Variants in PRXL2C observed in about 807,000 individuals in gnomAD.
The protein encoded by PRXL2C is peroxiredoxin like 2C.
Under a neutral mutation model 24.9 loss-of-function variants are expected in PRXL2C, and 38 were observed. The observed-to-expected ratio is 1.53, with a 90% CI of 1.18 to 2.00. The LOEUF is 2.00. Ranked by LOEUF, PRXL2C falls within the 30% of genes most tolerant of loss-of-function variation. The probability of loss-of-function intolerance (pLI) is 0.00; values close to 1 mark genes in which losing one functional copy is unlikely to be tolerated. For missense variants in PRXL2C, 294 were observed against 290.9 expected (o/e 1.01, Z -0.08); for synonymous variants, 98 against 117.2 (o/e 0.84, Z 1.06).
At chr9:96,653,098 C>T (rs1467972862) in intron 2 of PRXL2C, among the ~76,000 whole-genome samples, 4 of 151,848 alleles carry the variant, frequency 2.6e-5, no homozygotes, top group Non-Finnish European at 2.9e-5. Flanking sequence ...TGGTGGCGGG[C>T]GCCTGTTAGT....
At chr9:96,649,111 G>C (rs938244989) in intron 4 of PRXL2C, among the ~76,000 whole-genome samples, 5 of 151,944 alleles carry the variant, frequency 3.3e-5, no homozygotes, top group African/African-American at 4.8e-5. Context: ...TACACATGTT[G>C]AGACTCTGTT....
chr9:96,646,241 G>A (rs146229000), intron 4 of PRXL2C, among the ~76,000 whole-genome samples: 14 of 152,164 alleles, frequency 9.2e-5, no homozygotes, highest in East Asian at 1.9e-4. Context: ...CAGTGGCACC[G>A]TTTACCAAGT....
rs1235025346 is a variant in PRXL2C, at chr9:96,654,942, C to G, written c.192+148G>C. ...GAAGCGGGCCTCGCCCTCGCCCTCT[C>G]CCTGCCCCGCCCTAGTTGGGAAGCG... On this transcript the variant is annotated intron_variant, in intron 1 of 5. Transcript: ENST00000375234. The G allele has an allele frequency of 6.8e-5, 82 of 1,202,000 alleles. 1 individual carries two copies. The highest frequency in any genetic ancestry group is 8.8e-5 in the Non-Finnish European group (81 of 917,626). 74.5% of individuals were successfully genotyped at this position (1,202,000 alleles called of 1,614,324 possible).
Position 96,643,436 on chromosome 9 carries a change from TG to T in PRXL2C, c.554-1551del, listed in dbSNP as rs1407041962. Among the ~76,000 whole-genome samples the T allele has an allele frequency of 2.6e-5, 4 of 152,184 alleles. No individual in the cohort carries two copies. The East Asian group carries it at 7.7e-4, about 29-fold the overall frequency. ...TAATTTTTTATATTTTTAGTAGAGA[TG>T]GGGTTTCACCGTGTTAGTCAGGATT... On this transcript the variant is annotated intron_variant, in intron 5 of 5. Transcript: ENST00000375234.
chr9:96,645,073 A>AT lies in PRXL2C; in HGVS notation c.553+819dup, dbSNP rs1266760842. Among the ~76,000 whole-genome samples, 30 of 148,430 alleles carry AT rather than the reference A, an allele frequency of 2.0e-4. No individual in the cohort carries two copies. In the South Asian group the frequency reaches 2.6e-3, roughly 13 times the overall value. On this transcript the variant is annotated intron_variant, in intron 5 of 5. Transcript: ENST00000375234. ...AGGCACCCGCCACCACGTCCGGCTA[A>AT]TTTTTTTTTGTATTTTTAGTAGAGA...
intron 2 of PRXL2C, 128 bp from the exon 3 acceptor site, chr9:96,651,840 A>G (rs1382203848): frequency 7.4e-6 from 5 of 671,950 alleles, no homozygotes; most frequent in Admixed American, 6.2e-5. Context: ...TGGAATACAC[A>G]GCAAAATTGT....
At chr9:96,647,155 G>A (rs1390071262) in intron 4 of PRXL2C, among the ~76,000 whole-genome samples, 1 of 152,120 alleles carries the variant, frequency 6.6e-6, no homozygotes, top group African/African-American at 2.4e-5. Context: ...AGACATGGGG[G>A]CTTAGCTGTG....
At chr9:96,654,948 C>T (rs1848332001) in intron 1 of PRXL2C, 142 bp downstream of exon 1, 13 of 1,222,188 alleles carry the variant, frequency 1.1e-5, no homozygotes, top group Non-Finnish European at 1.1e-6. Context: ...CTCTCCCTGC[C>T]CCGCCCTAGT....
At chr9:96,643,295 T>C (rs540500348) in intron 5 of PRXL2C, among the ~76,000 whole-genome samples, 27 of 152,218 alleles carry the variant, frequency 1.8e-4, no homozygotes, top group Admixed American at 1.6e-3. Flanking sequence ...GCCCAGGCTG[T>C]AGTGCAGTGG....
At chr9:96,645,724 G>A (rs1848189253) in intron 5 of PRXL2C, among the ~76,000 whole-genome samples, 169 bp downstream of exon 5, 1 of 151,492 alleles carries the variant, frequency 6.6e-6, no homozygotes, top group Non-Finnish European at 1.5e-5. Flanking sequence ...GTGAACCCGG[G>A]AGGCAGAGCT....
intron 2 of PRXL2C, among the ~76,000 whole-genome samples, chr9:96,652,469 C>T (rs375235327): frequency 1.9e-4 from 29 of 149,222 alleles, no homozygotes; most frequent in African/African-American, 6.4e-4. Context: ...TGTAGTCAGC[C>T]GAGATTGTGC....
chr9:96,641,252 A>G lies in PRXL2C; in HGVS notation c.*507T>C, dbSNP rs1323020787. On this transcript the variant is annotated 3_prime_UTR_variant, in exon 6 of 6. Transcript: ENST00000375234. ...ATAACACTAATCTTAACACAGAGAT[A>G]CCTACTGGCAACATTTTGGTGTTTA... The G allele has an allele frequency of 2.0e-5, 3 of 152,254 alleles. No homozygotes were observed. The highest frequency in any genetic ancestry group is 6.5e-5 in the Admixed American group (1 of 15,274). The allele number at this position is 152,254 out of a possible 1,614,324, so 9.4% of individuals were successfully genotyped here. A position where few individuals can be genotyped will look rare whatever the true frequency, so the allele number is the denominator to read the frequency against.
intron 3 of PRXL2C, 52 bp downstream of exon 3, chr9:96,651,607 T>A (rs1848265972): frequency 6.4e-7 from 1 of 1,566,538 alleles, no homozygotes; most frequent in Non-Finnish European, 8.7e-7. Context: ...ATGTAATTTT[T>A]ATGTCTGAAA....
intron 1 of PRXL2C, 144 bp downstream of exon 1, chr9:96,654,946 G>T (rs1348268910): frequency 1.7e-6 from 2 of 1,208,624 alleles, no homozygotes; most frequent in Admixed American, 3.9e-5. Context: ...CCCTCTCCCT[G>T]CCCCGCCCTA....
At position 96,641,856 on chromosome 9, in the gene PRXL2C, C is replaced by A; in HGVS notation, c.584G>T (p.Arg195Met). 6.6e-7 allele frequency: 1 copy of A among 1,523,258 alleles called. No homozygotes were observed. The highest frequency in any genetic ancestry group is 1.3e-5 in the South Asian group (1 of 78,244). 94.4% of individuals were successfully genotyped at this position (1,523,258 alleles called of 1,614,324 possible). The change falls in exon 6 of 6, where the codon AGG (arginine) becomes ATG (methionine). Residue 195 changes from arginine to methionine, a missense_variant. Coordinates refer to ENST00000375234, the MANE Select transcript of PRXL2C (RefSeq NM_153698.2). ...GATAGGTTTGTGATCCAACCTATTC[C>A]TATCGCGGTGTATAAAATGGATGTT... Reference protein sequence around the residue: ...GNNIHFIHRDRNRLDHKPINS... With the variant: ...GNNIHFIHRDMNRLDHKPINS...
Position 96,641,739 on chromosome 9 carries a change from G to T in PRXL2C, c.*20C>A. The T allele has an allele frequency of 6.5e-7, 1 of 1,546,150 alleles. No individual in the cohort carries two copies. Among genetic ancestry groups the T allele is most frequent in the East Asian group, 2.3e-5 (1 of 43,260 alleles). ...CACATTCCAGAAGGTCCAGTTGAAA[G>T]TGACTGAGTGCATTTTAAGTCACAC... On this transcript the variant is annotated 3_prime_UTR_variant, in exon 6 of 6. Coordinates refer to ENST00000375234, the MANE Select transcript of PRXL2C (RefSeq NM_153698.2).
chr9:96,641,222 AAAT>A lies in PRXL2C; in HGVS notation c.*534_*536del, dbSNP rs1295457885. The A allele has an allele frequency of 6.6e-6, 1 of 152,244 alleles. No individual in the cohort carries two copies. The highest frequency in any genetic ancestry group is 2.4e-5 in the African/African-American group (1 of 41,462). The allele number at this position is 152,244 out of a possible 1,614,324, so 9.4% of individuals were successfully genotyped here. On this transcript the variant is annotated 3_prime_UTR_variant, in exon 6 of 6. Transcript: ENST00000375234. ...GAAATACAGAAAAGTACAGAAAAGA[AAAT>A]AATAACACTAATCTTAACACAGAGA... is the stretch of plus-strand genomic sequence containing the variant.
chr9:96,647,851 T>G (rs1031246626), intron 4 of PRXL2C, among the ~76,000 whole-genome samples: 1 of 151,682 alleles, frequency 6.6e-6, no homozygotes, highest in African/African-American at 2.4e-5. Flanking sequence ...TCTTATAGGA[T>G]TCTACATGTG....
intron 4 of PRXL2C, 43 bp downstream of exon 4, chr9:96,651,347 A>G (rs778225342): frequency 2.2e-6 from 3 of 1,375,402 alleles, no homozygotes; most frequent in Non-Finnish European, 3.1e-6. Context: ...AAATATGAAC[A>G]TACACCACCA....
Sources: gnomAD v4.1 joint callset for allele counts (sites outside exome capture counted in the v4.1 genomes callset) on GRCh38, gnomAD v4.1.1 for gene constraint, MANE v1.5 for transcripts, NCBI Gene and HGNC (gene_info 2026-07-23, HGNC 2026-07-21) for gene names.